C4orf51: variants seen among roughly 807,000 people sequenced by gnomAD.
The protein encoded by C4orf51 is uncharacterized protein C4orf51.
C4orf51 carries 25 observed loss-of-function variants against 25.2 expected under a neutral mutation model. The ratio of observed to expected loss-of-function variants is 0.99; its 90% CI spans 0.72 to 1.39. The LOEUF (loss-of-function observed/expected upper bound fraction) is 1.39, where lower values mean the gene tolerates loss of function less well. C4orf51 is among the 40% of genes most tolerant of loss of function. The pLI, the probability that C4orf51 is intolerant of heterozygous loss-of-function variation, is 0.00. For missense variants in C4orf51, 252 were observed against 239.6 expected, an observed-to-expected ratio of 1.05 and a Z score of -0.34; for synonymous variants, 100 against 84.5, an observed-to-expected ratio of 1.18 and a Z score of -1.01.
intron 2 of C4orf51, among the ~76,000 whole-genome samples, chr4:145,709,082 A>C (rs1252962690): frequency 6.6e-6 from 1 of 152,194 alleles, no homozygotes; most frequent in African/African-American, 2.4e-5. Context: ...CAAAAACAGC[A>C]ACCCTTGGAT....
chr4:145,760,862 G>C (rs1310112252), intron 1 of C4orf51: 35 of 1,217,434 alleles, frequency 2.9e-5, no homozygotes, highest in Non-Finnish European at 3.7e-5. Context: ...GGCGCAGTCT[G>C]AGGTCGGGGA....
intron 2 of C4orf51, among the ~76,000 whole-genome samples, chr4:145,703,049 G>C (rs9762261): frequency 1.4e-4 from 21 of 151,126 alleles, no homozygotes; most frequent in African/African-American, 4.9e-4. Context: ...ATATAAGAAG[G>C]CAGGAATGTC....
chr4:145,693,283 C>T (rs1560823675), intron 1 of C4orf51, among the ~76,000 whole-genome samples: 2 of 150,924 alleles, frequency 1.3e-5, no homozygotes, highest in Admixed American at 6.6e-5. Context: ...GCCCATCTTG[C>T]ACCGCCCTTA....
At chr4:145,749,338 TTGTC>T (rs1214160365) in intron 1 of C4orf51, among the ~76,000 whole-genome samples, 1 of 152,038 alleles carries the variant, frequency 6.6e-6, no homozygotes, top group Non-Finnish European at 1.5e-5. Flanking sequence ...GTTTTTTCAT[TTGTC>T]TGTTTTAAAA....
the C4orf51 span, among the ~76,000 whole-genome samples, chr4:145,781,694 C>T: frequency 2.6e-5 from 4 of 152,180 alleles, no homozygotes; most frequent in Non-Finnish European, 5.9e-5. Flanking sequence ...TCTTAAACAG[C>T]TGTCCTTGAG....
chr4:145,734,225 C>T (rs77879622), downstream of C4orf51, among the ~76,000 whole-genome samples: 4,172 of 152,270 alleles, frequency 0.027, 193 homozygotes, highest in African/African-American at 0.094. Context: ...TATTCCCTCA[C>T]ACGTGGGTTA....
chr4:145,783,165 G>A, the C4orf51 span, among the ~76,000 whole-genome samples: 6 of 152,092 alleles, frequency 3.9e-5, no homozygotes. Context: ...CCTTCCCTGG[G>A]GTAAAGGTTT....
intron 1 of C4orf51, among the ~76,000 whole-genome samples, chr4:145,769,225 G>C (rs1313334156): frequency 6.6e-6 from 1 of 151,326 alleles, no homozygotes; most frequent in African/African-American, 2.5e-5. Context: ...GAGGAGCAAT[G>C]GTATATGACT....
intron 1 of C4orf51, among the ~76,000 whole-genome samples, chr4:145,768,577 A>G (rs1395178490): frequency 6.6e-6 from 1 of 152,060 alleles, no homozygotes; most frequent in African/African-American, 2.4e-5. Flanking sequence ...TACAGATTCA[A>G]CATGACCCCA....
intron 2 of C4orf51, among the ~76,000 whole-genome samples, chr4:145,717,381 G>A (rs1055931054): frequency 6.6e-6 from 1 of 152,192 alleles, no homozygotes; most frequent in African/African-American, 2.4e-5. Context: ...TTCTTTGCAA[G>A]TGGTCATTTT....
chr4:145,755,761 C>T (rs1206922691), downstream of C4orf51, among the ~76,000 whole-genome samples: 1 of 152,170 alleles, frequency 6.6e-6, no homozygotes, highest in African/African-American at 2.4e-5. Flanking sequence ...AAAATAAACC[C>T]CATTTTGTGT....
intron 1 of C4orf51, among the ~76,000 whole-genome samples, chr4:145,744,121 C>T (rs1733238041): frequency 6.6e-6 from 1 of 151,366 alleles, no homozygotes; most frequent in South Asian, 2.1e-4. Flanking sequence ...CACGATTTTC[C>T]ATATATTTGT....
chr4:145,699,627 G>A (rs1414111081), intron 2 of C4orf51, among the ~76,000 whole-genome samples: 1 of 152,192 alleles, frequency 6.6e-6, no homozygotes, highest in African/African-American at 2.4e-5. Context: ...CCTTCCCTTG[G>A]TGTTTAATCA....
intron 2 of C4orf51, among the ~76,000 whole-genome samples, chr4:145,711,716 ATTT>A (rs1426931532): frequency 6.6e-6 from 1 of 151,638 alleles, no homozygotes; most frequent in East Asian, 1.9e-4. Context: ...TCTCCGTTGC[ATTT>A]TTTATTTCAT....
At chr4:145,730,349 T>C (rs1198628337) in intron 5 of C4orf51, among the ~76,000 whole-genome samples, 2 of 152,196 alleles carry the variant, frequency 1.3e-5, no homozygotes, top group African/African-American at 4.8e-5. Flanking sequence ...GCCCGGTGGC[T>C]GGAGTTTCCC....
downstream of C4orf51, among the ~76,000 whole-genome samples, chr4:145,757,017 T>C (rs1415205325): frequency 6.6e-6 from 1 of 152,236 alleles, no homozygotes; most frequent in Admixed American, 6.5e-5. Context: ...TCAACCATCA[T>C]AGATTCATGG....
chr4:145,689,651 CTATTAA>C (rs775925301), intron 1 of C4orf51, among the ~76,000 whole-genome samples: 10 of 151,998 alleles, frequency 6.6e-5, no homozygotes, highest in Non-Finnish European at 1.0e-4. Context: ...ATTTAAAAGA[CTATTAA>C]TATTAAGTGT....
chr4:145,775,743 C>G, downstream of C4orf51: 1 of 1,609,144 alleles, frequency 6.2e-7, no homozygotes, highest in Non-Finnish European at 8.5e-7. Context: ...GTGTTGAAGT[C>G]AAGAGTCTGA....
At chr4:145,775,694 G>A, downstream of C4orf51, 4 of 1,446,270 alleles carry the variant, frequency 2.8e-6, no homozygotes, top group Non-Finnish European at 1.9e-6. Context: ...ACTGAGAAAA[G>A]GGGCCTCGTG....
Sources: allele counts gnomAD v4.1 joint callset (sites outside exome capture counted in the v4.1 genomes callset), GRCh38; gene constraint gnomAD v4.1.1; transcripts MANE v1.5; gene names NCBI Gene and HGNC (gene_info 2026-07-23, HGNC 2026-07-21).